The following C2CD3 variants were observed in gnomAD, a reference collection of about 807,000 sequenced individuals.
C2CD3 encodes the protein C2 domain-containing protein 3.
C2CD3 carries 148 observed loss-of-function variants against 234.0 expected under a neutral mutation model. The ratio of observed to expected loss-of-function variants is 0.63; its 90% CI spans 0.55 to 0.72. C2CD3 has a LOEUF of 0.72. Among genes scored for constraint, C2CD3 ranks in the 30% least tolerant of loss-of-function variants. C2CD3 has a pLI of 0.00. For missense variants in C2CD3, 2,577 were observed against 2,811.5 expected (o/e 0.92, Z 1.89); for synonymous variants, 1,000 against 1,035.4 (o/e 0.97, Z 0.66).
intron 2 of C2CD3, among the ~76,000 whole-genome samples, chr11:74,164,643 T>A (rs1856689016): frequency 6.6e-6 from 1 of 152,268 alleles, no homozygotes; most frequent in Non-Finnish European, 1.5e-5. Context: ...TTTCTCCTAC[T>A]GTATTTTCAC....
chr11:74,096,624 A>C (rs956878313), intron 16 of C2CD3, among the ~76,000 whole-genome samples: 11 of 152,324 alleles, frequency 7.2e-5, no homozygotes, highest in African/African-American at 2.4e-4. Context: ...TTTTATAGAT[A>C]TCTAATCCCA....
chr11:74,063,368 A>G (rs1284107125), intron 24 of C2CD3, among the ~76,000 whole-genome samples: 1 of 152,238 alleles, frequency 6.6e-6, no homozygotes, highest in Non-Finnish European at 1.5e-5. Context: ...ACATCAATGC[A>G]AAAATCCTCA....
intron 26 of C2CD3, among the ~76,000 whole-genome samples, chr11:74,052,562 T>A (rs11235986): frequency 0.019 from 2,869 of 152,248 alleles, 88 homozygotes; most frequent in African/African-American, 0.066. Flanking sequence ...TGCTTCAGAA[T>A]CTCTGTGGTA....
At chr11:74,017,029 C>T (rs143319346) in intron 32 of C2CD3, among the ~76,000 whole-genome samples, 12 of 152,144 alleles carry the variant, frequency 7.9e-5, no homozygotes, top group African/African-American at 2.2e-4. Context: ...GGGTATGCCA[C>T]GTGGAGGTGC....
At chr11:74,059,585 G>A (rs922368365) in intron 24 of C2CD3, among the ~76,000 whole-genome samples, 4 of 152,056 alleles carry the variant, frequency 2.6e-5, no homozygotes, top group Non-Finnish European at 5.9e-5. Flanking sequence ...GCATTCTGAT[G>A]AACAAATTCA....
intron 22 of C2CD3, among the ~76,000 whole-genome samples, chr11:74,082,667 T>C (rs1955440819): frequency 6.6e-6 from 1 of 152,114 alleles, no homozygotes; most frequent in Admixed American, 6.6e-5. Flanking sequence ...CTTTTTGATA[T>C]GCTGCTGGAT....
intron 3 of C2CD3, 102 bp downstream of exon 3, chr11:74,161,297 T>G: frequency 1.3e-5 from 8 of 593,818 alleles, no homozygotes; most frequent in Non-Finnish European, 1.9e-5. Context: ...GAAATTAGCA[T>G]GATATACAGG....
chr11:74,091,015 A>C, intron 19 of C2CD3, 79 bp from the exon 20 acceptor site: 2 of 1,439,042 alleles, frequency 1.4e-6, no homozygotes, highest in Non-Finnish European at 1.9e-6. Context: ...TTGGTCAGGA[A>C]GGATGGAAGA....
intron 31 of C2CD3, among the ~76,000 whole-genome samples, chr11:74,030,852 T>G (rs982406318): frequency 2.0e-5 from 3 of 152,198 alleles, no homozygotes; most frequent in African/African-American, 7.2e-5. Flanking sequence ...GTAAATGATA[T>G]CACCTGCCGG....
intron 5 of C2CD3, among the ~76,000 whole-genome samples, chr11:74,135,671 T>C (rs1957839503): frequency 6.6e-6 from 1 of 152,218 alleles, no homozygotes; most frequent in African/African-American, 2.4e-5. Flanking sequence ...TACAGCTTTG[T>C]ACCCTCTATT....
At chr11:74,077,824 T>A (rs1249918099) in intron 23 of C2CD3, among the ~76,000 whole-genome samples, 1 of 18,680 alleles carries the variant, frequency 5.4e-5, no homozygotes, top group African/African-American at 3.9e-4. Context: ...TATATATATA[T>A]ATATATATAT....
intron 24 of C2CD3, among the ~76,000 whole-genome samples, chr11:74,072,413 CACA>C (rs1365021414): frequency 2.0e-5 from 3 of 152,272 alleles, no homozygotes; most frequent in African/African-American, 7.2e-5. Context: ...GGACACATGA[CACA>C]GTTTGAGAGA....
At chr11:74,109,557 T>C (rs1293324638) in intron 11 of C2CD3, 1 of 155,732 alleles carries the variant, frequency 6.4e-6, no homozygotes, top group Non-Finnish European at 1.4e-5. Flanking sequence ...AATAGAAGAA[T>C]GGAATAAAAA....
chr11:74,098,574 A>G (rs1956198423), intron 15 of C2CD3, among the ~76,000 whole-genome samples: 1 of 152,214 alleles, frequency 6.6e-6, no homozygotes, highest in African/African-American at 2.4e-5. Context: ...AAAGGGAGGA[A>G]GTGTGGTCTA....
At chr11:74,122,869 T>C in intron 8 of C2CD3, 119 bp downstream of exon 8, 1 of 689,684 alleles carries the variant, frequency 1.4e-6, no homozygotes, top group South Asian at 2.0e-5. Flanking sequence ...CCTCTTGAGG[T>C]TGTCATTAAA....
At chr11:74,041,080 T>C (rs1250338165) in intron 29 of C2CD3, among the ~76,000 whole-genome samples, 2 of 152,092 alleles carry the variant, frequency 1.3e-5, no homozygotes, top group Non-Finnish European at 2.9e-5. Flanking sequence ...TACATTTTGA[T>C]TGTAGCAACC....
In C2CD3 at chr11:74,093,737, C is replaced by T. The variant is rs1320126342; in HGVS notation, c.3344+79G>A. The stretch of plus-strand genomic sequence containing the variant: ...GCTTAGCTTCCTTACAATAATTCAA[C>T]CTAGGCTGGTTAGGAGTAGGATGCT... On this transcript the variant is annotated intron_variant, in intron 18 of 32. Coordinates refer to ENST00000334126, the MANE Select transcript of C2CD3 (RefSeq NM_001286577.2). The T allele has an allele frequency of 1.7e-5, 19 of 1,135,178 alleles. No individual in the cohort carries two copies. The East Asian group carries it at 4.1e-4, about 24-fold the overall frequency. 70.3% of individuals were successfully genotyped at this position (1,135,178 alleles called of 1,614,324 possible).
intron 17 of C2CD3, among the ~76,000 whole-genome samples, chr11:74,094,665 T>G (rs1956040769): frequency 6.6e-6 from 1 of 152,174 alleles, no homozygotes; most frequent in Non-Finnish European, 1.5e-5. Context: ...AATCCCAACC[T>G]TGGCACTTGT....
intron 24 of C2CD3, chr11:74,070,751 A>G (rs1954754265): frequency 6.6e-6 from 1 of 152,154 alleles, no homozygotes; most frequent in African/African-American, 2.4e-5. Context: ...AATGCTGCCT[A>G]TGTAGCCTAA....
Sources: gnomAD v4.1 joint callset for allele counts (sites outside exome capture counted in the v4.1 genomes callset) on GRCh38, gnomAD v4.1.1 for gene constraint, MANE v1.5 for transcripts, NCBI Gene and HGNC (gene_info 2026-07-23, HGNC 2026-07-21) for gene names.